The following DOK6 variants were observed in gnomAD, a reference collection of about 807,000 sequenced individuals.
The protein encoded by DOK6 is downstream of tyrosine kinase 6.
DOK6 carries 22 observed loss-of-function variants against 44.0 expected under a neutral mutation model. The observed-to-expected ratio is 0.50, with a 90% CI of 0.36 to 0.71. The LOEUF is 0.71. Among genes scored for constraint, DOK6 ranks in the 30% least tolerant of loss-of-function variants. The pLI, the probability that DOK6 is intolerant of heterozygous loss-of-function variation, is 0.00. For synonymous variants in DOK6, 166 were observed against 145.5 expected, an observed-to-expected ratio of 1.14 and a Z score of -1.01; for missense variants, 340 against 416.4, an observed-to-expected ratio of 0.82 and a Z score of 1.60.
chr18:69,577,065 C>G (rs1382143346), intron 2 of DOK6, among the ~76,000 whole-genome samples: 2 of 152,108 alleles, frequency 1.3e-5, no homozygotes, highest in South Asian at 2.1e-4. Flanking sequence ...ACACTGAAAA[C>G]ATCATTTTAT....
At chr18:69,465,947 G>A (rs1360029609) in intron 1 of DOK6, among the ~76,000 whole-genome samples, 1 of 152,122 alleles carries the variant, frequency 6.6e-6, no homozygotes, top group Non-Finnish European at 1.5e-5. Flanking sequence ...TATGGTGTAT[G>A]ACATGATGCT....
intron 6 of DOK6, among the ~76,000 whole-genome samples, chr18:69,757,277 T>C (rs2144754015): frequency 6.6e-6 from 1 of 152,288 alleles, no homozygotes; most frequent in Admixed American, 6.5e-5. Flanking sequence ...TGTTTAGCGA[T>C]TGAAATGGGT....
intron 1 of DOK6, among the ~76,000 whole-genome samples, chr18:69,404,933 A>G (rs1486476604): frequency 1.3e-5 from 2 of 152,128 alleles, no homozygotes; most frequent in African/African-American, 4.8e-5. Context: ...TGAATTAGTT[A>G]TAATAAAGAA....
At chr18:69,677,394 A>C (rs1985947858) in intron 3 of DOK6, among the ~76,000 whole-genome samples, 1 of 150,350 alleles carries the variant, frequency 6.7e-6, no homozygotes, top group African/African-American at 2.4e-5. Flanking sequence ...ATGTATATAA[A>C]ATGTAAAGCA....
At chr18:69,485,061 C>T (rs552825556) in intron 1 of DOK6, among the ~76,000 whole-genome samples, 8 of 152,096 alleles carry the variant, frequency 5.3e-5, no homozygotes, top group South Asian at 2.1e-4. Context: ...TGCATTGTAA[C>T]GAGTAGGAGA....
At chr18:69,567,155 T>A (rs2144600188) in intron 2 of DOK6, among the ~76,000 whole-genome samples, 1 of 152,296 alleles carries the variant, frequency 6.6e-6, no homozygotes, top group South Asian at 2.1e-4. Flanking sequence ...GAACTCCAAC[T>A]CATTAACATC....
At position 69,751,350 on chromosome 18, in the gene DOK6, AATAT is replaced by A. The variant is rs1375613045; in HGVS notation, c.739-6400_739-6397del. On this transcript the variant is annotated intron_variant, in intron 6 of 7. Transcript: ENST00000382713. ...CATAAATTATAATATGTGCCCCACA[AATAT>A]ATATAATTATAAATTGTCAATTTAT... Among the ~76,000 whole-genome samples, 3 of 152,214 alleles carry A rather than the reference AATAT, an allele frequency of 2.0e-5. 1 individual carries two copies. The highest frequency in any genetic ancestry group is 2.0e-4 in the Admixed American group (3 of 15,280).
chr18:69,687,039 G>A (rs903183061), intron 4 of DOK6, among the ~76,000 whole-genome samples: 3 of 151,900 alleles, frequency 2.0e-5, no homozygotes, highest in African/African-American at 7.3e-5. Context: ...AAACAGAGGA[G>A]GAAATATCAT....
At chr18:69,808,495 G>A (rs781366312) in intron 7 of DOK6, among the ~76,000 whole-genome samples, 7 of 151,788 alleles carry the variant, frequency 4.6e-5, no homozygotes, top group South Asian at 4.1e-4. Context: ...AGAACTAAAA[G>A]TTGGTTGTTT....
intron 7 of DOK6, among the ~76,000 whole-genome samples, chr18:69,773,668 T>C (rs1193249353): frequency 6.6e-6 from 1 of 151,978 alleles, no homozygotes; most frequent in Non-Finnish European, 1.5e-5. Context: ...CAGAATGTGC[T>C]TACCAGGAGC....
At position 69,723,726 on chromosome 18, in the gene DOK6, G is replaced by A. The variant is rs577032590; in HGVS notation, c.600-15239G>A. Among the ~76,000 whole-genome samples the A allele has an allele frequency of 2.6e-5, 4 of 152,256 alleles. No individual in the cohort carries two copies. The East Asian group carries it at 5.8e-4, about 22-fold the overall frequency. On this transcript the variant is annotated intron_variant, in intron 5 of 7. Coordinates refer to ENST00000382713, the MANE Select transcript of DOK6 (RefSeq NM_152721.6). ...TATCTTTTATTTCACAGTGCCTGAC[G>A]ATGTTCAAAATGTGTTCATATTTTG...
At chr18:69,687,762 AT>A (rs1166467933) in intron 4 of DOK6, among the ~76,000 whole-genome samples, 26 of 152,196 alleles carry the variant, frequency 1.7e-4, no homozygotes, top group African/African-American at 6.0e-4. Flanking sequence ...AGTAAACATC[AT>A]TCTTGAGAGT....
chr18:69,754,801 C>T (rs1397732398), intron 6 of DOK6, among the ~76,000 whole-genome samples: 1 of 152,180 alleles, frequency 6.6e-6, no homozygotes, highest in Non-Finnish European at 1.5e-5. Context: ...TTCCCTTAAC[C>T]TTCATTAAGC....
At chr18:69,512,969 G>A (rs1156597695) in intron 1 of DOK6, among the ~76,000 whole-genome samples, 1 of 152,116 alleles carries the variant, frequency 6.6e-6, no homozygotes, top group African/African-American at 2.4e-5. Context: ...TATCACTGGA[G>A]ATGAATGTTA....
chr18:69,821,798 T>TAA (rs570955269), intron 7 of DOK6, among the ~76,000 whole-genome samples: 30 of 126,972 alleles, frequency 2.4e-4, no homozygotes, highest in African/African-American at 8.0e-4. Flanking sequence ...GTTTTTTTTT[T>TAA]TAAAAAAAAT....
chr18:69,550,631 T>A (rs551732651), intron 1 of DOK6, among the ~76,000 whole-genome samples: 93 of 152,266 alleles, frequency 6.1e-4, no homozygotes, highest in African/African-American at 1.9e-3. Context: ...GAGAAAAATA[T>A]GAGGAAAATT....
At chr18:69,662,240 G>C (rs568426691) in intron 3 of DOK6, 1 of 152,208 alleles carries the variant, frequency 6.6e-6, no homozygotes, top group African/African-American at 2.4e-5. Context: ...CTGGTCTCCC[G>C]CAGTGCTGGG....
At chr18:69,428,876 T>C (rs1978718261) in intron 1 of DOK6, among the ~76,000 whole-genome samples, 1 of 152,250 alleles carries the variant, frequency 6.6e-6, no homozygotes. Flanking sequence ...AATCATTGTC[T>C]TTAATTGTGG....
intron 4 of DOK6, among the ~76,000 whole-genome samples, chr18:69,686,285 A>G (rs1289870793): frequency 6.6e-6 from 1 of 152,190 alleles, no homozygotes; most frequent in Non-Finnish European, 1.5e-5. Context: ...TTGTTATAAC[A>G]GCCCTGGCAA....
Sources: allele counts gnomAD v4.1 joint callset (sites outside exome capture counted in the v4.1 genomes callset), GRCh38; gene constraint gnomAD v4.1.1; transcripts MANE v1.5; gene names NCBI Gene and HGNC (gene_info 2026-07-23, HGNC 2026-07-21).